The following PODXL variants were observed in gnomAD, a reference collection of about 807,000 sequenced individuals.
PODXL encodes podocalyxin.
Under a neutral mutation model 48.9 loss-of-function variants are expected in PODXL, and 20 were observed. That is an observed-to-expected ratio of 0.41 (90% CI 0.29 to 0.59). The LOEUF (loss-of-function observed/expected upper bound fraction) is 0.59, where lower values mean the gene tolerates loss of function less well. Among genes scored for constraint, PODXL ranks in the 20% least tolerant of loss-of-function variants. The pLI, the probability that PODXL is intolerant of heterozygous loss-of-function variation, is 0.31. For synonymous variants in PODXL, 295 were observed against 287.4 expected (o/e 1.03, Z -0.27); for missense variants, 606 against 675.1 (o/e 0.90, Z 1.13).
rs551224212 is a variant in PODXL at position 131,539,254 on chromosome 7, C to G, written c.100+17006G>C. Among the ~76,000 whole-genome samples, 3 of 152,346 alleles carry G rather than the reference C, an allele frequency of 2.0e-5. No individual in the cohort carries two copies. In the South Asian group the frequency reaches 6.2e-4, roughly 32 times the overall value. On this transcript the variant is annotated intron_variant, in intron 1 of 8. Coordinates refer to ENST00000378555, the MANE Select transcript of PODXL (RefSeq NM_001018111.3). ...CTGGATGTCTGTGTGAGCCGGGGAC[C>G]TCTTTGGACCTTGGTTTCCTCATCT... is the stretch of plus-strand genomic sequence containing the variant.
At chr7:131,531,152 T>G (rs1397726642) in intron 1 of PODXL, among the ~76,000 whole-genome samples, 3 of 152,196 alleles carry the variant, frequency 2.0e-5, no homozygotes, top group Non-Finnish European at 2.9e-5. Context: ...CTCATTTCCT[T>G]CCACCAAAAG....
chr7:131,549,159 G>C (rs1798630458), intron 1 of PODXL, among the ~76,000 whole-genome samples: 1 of 152,032 alleles, frequency 6.6e-6, no homozygotes, highest in African/African-American at 2.4e-5. Flanking sequence ...GTGTGCTGGG[G>C]GGGAGGGGTT....
At chr7:131,521,078 G>C (rs1321113709) in intron 1 of PODXL, among the ~76,000 whole-genome samples, 1 of 150,274 alleles carries the variant, frequency 6.7e-6, no homozygotes, top group African/African-American at 2.4e-5. Context: ...TGAGGCAGGA[G>C]ATTTACTTGA....
At chr7:131,542,433 A>C (rs947231210) in intron 1 of PODXL, among the ~76,000 whole-genome samples, 1 of 152,162 alleles carries the variant, frequency 6.6e-6, no homozygotes, top group Non-Finnish European at 1.5e-5. Flanking sequence ...AGGCATGAGG[A>C]TCACTTGAGC....
chr7:131,530,617 G>A (rs1344093358), intron 1 of PODXL, among the ~76,000 whole-genome samples: 1 of 151,904 alleles, frequency 6.6e-6, no homozygotes, highest in East Asian at 1.9e-4. Flanking sequence ...ATGGTGGAGG[G>A]GCACCTGTAG....
intron 1 of PODXL, among the ~76,000 whole-genome samples, chr7:131,521,830 G>A (rs1032668280): frequency 1.3e-5 from 2 of 152,130 alleles, no homozygotes; most frequent in Admixed American, 6.5e-5. Flanking sequence ...GAAAACAGCC[G>A]GTGCTGAAAC....
At position 131,501,193 on chromosome 7, in the gene PODXL, AAATC is replaced by A. The variant is rs1321078807; in HGVS notation, c.*3114_*3117del. 6.6e-6 allele frequency: 1 copy of A among 152,612 alleles called. No individual in the cohort carries two copies. The highest frequency in any genetic ancestry group is 1.5e-5 in the Non-Finnish European group (1 of 68,038). 9.5% of individuals were successfully genotyped at this position (152,612 alleles called of 1,614,324 possible). ...TATTTCATTTTTTGTTTAAAAAAAAAAATCAAGCAAAAACTTGTCATTTCCAGTA... is the reference window on the plus strand; with the variant it reads ...TATTTCATTTTTTGTTTAAAAAAAAAAAGCAAAAACTTGTCATTTCCAGTA... On this transcript the variant is annotated 3_prime_UTR_variant, in exon 9 of 9. Transcript: ENST00000378555.
Position 131,508,993 on chromosome 7 carries a change from A to T in PODXL, c.1059T>A (p.Ser353Arg). The change falls in exon 5 of 9, where the codon AGT becomes AGA. Residue 353 changes from serine (S) to arginine (R), a missense_variant. Transcript: ENST00000378555. ...TGAGGTTCAGGACGAGCTGCTTCTC[A>T]CTCTGTGTCTGTGTCTCAAGATCCT... ...KCEDLETQTQ[S>R]EKQLVLNLTG... The T allele has an allele frequency of 3.7e-6, 6 of 1,613,892 alleles. No homozygotes were observed. The highest frequency in any genetic ancestry group is 4.2e-6 in the Non-Finnish European group (5 of 1,179,864).
chr7:131,519,368 G>A (rs542308226), intron 1 of PODXL, among the ~76,000 whole-genome samples: 2 of 151,990 alleles, frequency 1.3e-5, no homozygotes, highest in Admixed American at 6.6e-5. Context: ...TGTGAGCCGC[G>A]CTCCAATTTC....
intron 1 of PODXL, among the ~76,000 whole-genome samples, chr7:131,530,249 G>A (rs1188936610): frequency 3.3e-5 from 5 of 151,342 alleles, no homozygotes; most frequent in African/African-American, 4.9e-5. Context: ...GCAGGACAGC[G>A]AGGCAGGGTG....
intron 2 of PODXL, 139 bp downstream of exon 2, chr7:131,510,689 C>T: frequency 1.1e-6 from 1 of 921,552 alleles, no homozygotes; most frequent in Non-Finnish European, 1.7e-6. Context: ...CCAGGCTGGT[C>T]TCGAACTCCT....
At chr7:131,518,862 A>G (rs1187150149) in intron 1 of PODXL, among the ~76,000 whole-genome samples, 2 of 152,188 alleles carry the variant, frequency 1.3e-5, no homozygotes, top group African/African-American at 4.8e-5. Context: ...TAGGCGATGG[A>G]GAAGAAAACT....
Position 131,508,960 on chromosome 7 carries a change from G to A in PODXL, c.1092C>T (p.Asn364=), listed in dbSNP as rs1405685384. ...EKQLVLNLTG[N]TLCAGGASDE... The stretch of plus-strand genomic sequence containing the variant: ...TCAGCAAGCTACTCACACAGAGGGT[G>A]TTTCCTGTGAGGTTCAGGACGAGCT... Residue 364 remains asparagine (N), a synonymous_variant, in exon 5 of 9, where the codon AAC becomes AAT. Coordinates refer to ENST00000378555, the MANE Select transcript of PODXL (RefSeq NM_001018111.3). 1.2e-6 allele frequency: 2 copies of A among 1,612,436 alleles called. No individual in the cohort carries two copies. Among genetic ancestry groups the A allele is most frequent in the African/African-American group, 1.3e-5 (1 of 75,006 alleles).
chr7:131,509,945 G>A lies in PODXL; in HGVS notation c.802+291C>T, dbSNP rs141324310. On this transcript the variant is annotated intron_variant, in intron 3 of 8. Coordinates refer to ENST00000378555, the MANE Select transcript of PODXL (RefSeq NM_001018111.3). Reference sequence around the variant, plus strand: ...CGAGTTCCTGTGCCAACAATGGCAGGGCAGGGATTCGAAGCCAGGATTATC... The same window carrying A: ...CGAGTTCCTGTGCCAACAATGGCAGAGCAGGGATTCGAAGCCAGGATTATC... 2.0e-4 allele frequency among the ~76,000 whole-genome samples: 30 copies of A among 152,330 alleles called. 1 individual carries two copies. The East Asian group carries it at 4.2e-3, about 22-fold the overall frequency.
At chr7:131,507,055 A>C in intron 5 of PODXL, 3 of 269,176 alleles carry the variant, frequency 1.1e-5, no homozygotes, top group South Asian at 1.1e-4. Context: ...GGTTGTTTTC[A>C]TCTCCCTCCC....
At chr7:131,556,171 G>A (rs1798739328) in intron 1 of PODXL, 89 bp downstream of exon 1, 1 of 1,344,276 alleles carries the variant, frequency 7.4e-7, no homozygotes, top group Non-Finnish European at 9.5e-7. Context: ...GTCGGACCAC[G>A]CGGCGCGCCG....
In PODXL at chr7:131,509,023, CTT is replaced by C. The variant is rs759638905; in HGVS notation, c.1027_1028del (p.Lys343ValfsTer2). On this transcript the variant is annotated frameshift_variant, in exon 5 of 9. Coordinates refer to ENST00000378555, the MANE Select transcript of PODXL (RefSeq NM_001018111.3). LOFTEE classifies it high-confidence loss of function. Reference sequence around the variant, plus strand: ...GTGTCTGTGTCTCAAGATCCTCACACTTTGCCTGGAAGAAGCCACTGAGATTA... The same window carrying C: ...GTGTCTGTGTCTCAAGATCCTCACACTGCCTGGAAGAAGCCACTGAGATTA... Reference protein sequence around the residue: ...PTVAHESNWAKCEDLETQTQS... With the variant: ...PTVAHESNWAXCEDLETQTQS... 6.2e-7 allele frequency: 1 copy of C among 1,613,684 alleles called. No homozygotes were observed. The highest frequency in any genetic ancestry group is 8.5e-7 in the Non-Finnish European group (1 of 1,179,588).
At chr7:131,551,654 G>A (rs1798668208) in intron 1 of PODXL, among the ~76,000 whole-genome samples, 1 of 152,124 alleles carries the variant, frequency 6.6e-6, no homozygotes, top group African/African-American at 2.4e-5. Flanking sequence ...GAAGGGCTCT[G>A]AGCTGGGTGC....
At chr7:131,526,516 A>AC (rs1464828621) in intron 1 of PODXL, among the ~76,000 whole-genome samples, 1 of 151,944 alleles carries the variant, frequency 6.6e-6, no homozygotes, top group Non-Finnish European at 1.5e-5. Context: ...AGAAAAAAAA[A>AC]AAGCACAGCC....
Sources: gnomAD v4.1 joint callset for allele counts (sites outside exome capture counted in the v4.1 genomes callset) on GRCh38, gnomAD v4.1.1 for gene constraint, MANE v1.5 for transcripts, NCBI Gene and HGNC (gene_info 2026-07-23, HGNC 2026-07-21) for gene names.